MAGEC3: variants seen among roughly 807,000 people sequenced by gnomAD.
MAGEC3 encodes MAGE family member C3.
Under a neutral mutation model 35.3 loss-of-function variants are expected in MAGEC3, and 34 were observed. The observed-to-expected ratio is 0.96, with a 90% CI of 0.73 to 1.28. The LOEUF (loss-of-function observed/expected upper bound fraction) is 1.28, where lower values mean the gene tolerates loss of function less well. Among genes scored for constraint, MAGEC3 ranks in the 50% most tolerant of loss-of-function variants. The pLI, the probability that MAGEC3 is intolerant of heterozygous loss-of-function variation, is 0.00. For missense variants in MAGEC3, 561 were observed against 483.6 expected (o/e 1.16, Z -1.50); for synonymous variants, 202 against 185.6 (o/e 1.09, Z -0.72).
intron 1 of MAGEC3, among the ~76,000 whole-genome samples, chrX:141,841,740 G>A (rs972131031): frequency 2.7e-5 from 3 of 111,579 alleles, no homozygotes; most frequent in Admixed American, 9.5e-5. Context: ...AATGATGACC[G>A]TTTGCTTCTA....
At chrX:141,884,562 A>G (rs890606385) in intron 4 of MAGEC3, among the ~76,000 whole-genome samples, 1 of 111,617 alleles carries the variant, frequency 9.0e-6, no homozygotes, top group African/African-American at 3.3e-5. Context: ...CTAGAGAAAC[A>G]GAATATTAAG....
intron 1 of MAGEC3, among the ~76,000 whole-genome samples, chrX:141,852,621 G>T (rs2017758105): frequency 9.0e-6 from 1 of 110,534 alleles, no homozygotes; most frequent in African/African-American, 3.3e-5. Context: ...TTCCTAGTTT[G>T]TTGAGTTGTT....
chrX:141,887,504 G>A (rs1602629218), intron 4 of MAGEC3, among the ~76,000 whole-genome samples: 1 of 112,208 alleles, frequency 8.9e-6, no homozygotes, highest in East Asian at 2.8e-4. Flanking sequence ...TCCTTATAAG[G>A]TGAAGGATAA....
chrX:141,845,764 G>C (rs948438020), intron 1 of MAGEC3, among the ~76,000 whole-genome samples: 1 of 110,671 alleles, frequency 9.0e-6, no homozygotes, highest in Non-Finnish European at 1.9e-5. Context: ...TCTTATAGGG[G>C]AGAAAAAGCT....
intron 4 of MAGEC3, among the ~76,000 whole-genome samples, chrX:141,885,141 G>A (rs768885836): frequency 3.6e-5 from 4 of 111,733 alleles, no homozygotes; most frequent in South Asian, 3.8e-4. Context: ...CCTGGCGGGC[G>A]CCTAGAGGTG....
In MAGEC3 at chrX:141,880,078, C is replaced by T. The variant is rs148308528; in HGVS notation, c.515+647C>T. Among the ~76,000 whole-genome samples, 705 of 111,550 alleles carry T rather than the reference C, an allele frequency of 6.3e-3. 7 individuals are homozygous for T. The highest frequency in any genetic ancestry group is 0.021 in the African/African-American group (632 of 30,666). On this transcript the variant is annotated intron_variant, in intron 3 of 7. Coordinates refer to ENST00000298296, the MANE Select transcript of MAGEC3 (RefSeq NM_138702.1). ...CCCTCTCATTGCTGGGTGAGAGGTGCAGGGAAAGGGAAGGCCTTGGTCTGA... is the reference window on the plus strand; with the variant it reads ...CCCTCTCATTGCTGGGTGAGAGGTGTAGGGAAAGGGAAGGCCTTGGTCTGA...
chrX:141,866,197 G>C (rs1483980950), intron 2 of MAGEC3, among the ~76,000 whole-genome samples: 1 of 111,916 alleles, frequency 8.9e-6, no homozygotes, highest in African/African-American at 3.2e-5. Context: ...TCATGATTTA[G>C]TTTCAGGTAT....
chrX:141,872,619 C>T lies in MAGEC3; in HGVS notation c.259-6556C>T, dbSNP rs746742471. Among the ~76,000 whole-genome samples the T allele has an allele frequency of 6.0e-4, 67 of 110,804 alleles. No homozygotes were observed. In the South Asian group the frequency reaches 6.7e-3, roughly 11 times the overall value. ...TTTACCAGCCGGCTGAATTAGTGTC[C>T]GATGTTGGATGTTCCAGTTGGAATT... On this transcript the variant is annotated intron_variant, in intron 2 of 7. Coordinates refer to ENST00000298296, the MANE Select transcript of MAGEC3 (RefSeq NM_138702.1).
chrX:141,863,516 G>A (rs997416123), intron 1 of MAGEC3, among the ~76,000 whole-genome samples: 2 of 111,870 alleles, frequency 1.8e-5, no homozygotes, highest in Non-Finnish European at 3.8e-5. Flanking sequence ...ATTGCAGTAC[G>A]TGTACCACAT....
intron 2 of MAGEC3, among the ~76,000 whole-genome samples, 179 bp from the exon 3 acceptor site, chrX:141,878,996 C>T (rs1195788512): frequency 6.2e-5 from 7 of 112,362 alleles, no homozygotes; most frequent in African/African-American, 2.3e-4. Context: ...GATTCTCCCT[C>T]TCTTGCACCT....
intron 1 of MAGEC3, 51 bp from the exon 2 acceptor site, chrX:141,865,413 CCATCACA>C: frequency 9.1e-7 from 1 of 1,102,711 alleles, no homozygotes; most frequent in Non-Finnish European, 1.2e-6. Context: ...AGTAGATCTT[CCATCACA>C]GGTAGAGGTT....
chrX:141,844,930 AT>A (rs772371095), intron 1 of MAGEC3, among the ~76,000 whole-genome samples: 4,555 of 109,245 alleles, frequency 0.042, 146 homozygotes, highest in African/African-American at 0.12. Context: ...GTAATTGGTA[AT>A]TTTTTTTTAA....
chrX:141,861,343 A>G (rs184687816), intron 1 of MAGEC3, among the ~76,000 whole-genome samples: 7 of 111,687 alleles, frequency 6.3e-5, no homozygotes, highest in African/African-American at 2.3e-4. Context: ...TAATATAATT[A>G]AAATAACCAT....
intron 4 of MAGEC3, among the ~76,000 whole-genome samples, chrX:141,889,425 G>T (rs1244487777): frequency 2.7e-5 from 3 of 111,559 alleles, no homozygotes; most frequent in Non-Finnish European, 5.6e-5. Context: ...TATTTCCAGA[G>T]GGAGAAACGC....
rs764720860 is a variant in MAGEC3 at position 141,857,200 on chromosome X, C to A, written c.124-8271C>A. 6.1e-3 allele frequency among the ~76,000 whole-genome samples: 667 copies of A among 108,850 alleles called. 8 individuals are homozygous for A. Among genetic ancestry groups the A allele is most frequent in the African/African-American group, 0.021 (627 of 30,019 alleles). The allele number at this position is 108,850 out of a possible 115,157, so 94.5% of individuals were successfully genotyped here. ...AGAATGTAATTGTGAAAAAAAAAAA[C>A]AGGCTTTCAGAACTTGGCATTGATA... is the stretch of plus-strand genomic sequence containing the variant. On this transcript the variant is annotated intron_variant, in intron 1 of 7. Transcript: ENST00000298296.
intron 1 of MAGEC3, among the ~76,000 whole-genome samples, chrX:141,860,541 A>G (rs11095908): frequency 0.022 from 2,438 of 111,926 alleles, 69 homozygotes; most frequent in African/African-American, 0.075. Context: ...AAATGTGGAA[A>G]CAACCCAAAT....
Position 141,868,080 on chromosome X carries a change from G to A in MAGEC3, c.258+2475G>A, listed in dbSNP as rs199997073. Among the ~76,000 whole-genome samples the A allele has an allele frequency of 1.8e-4, 20 of 109,240 alleles. No homozygotes were observed. In the South Asian group the frequency reaches 2.8e-3, roughly 15 times the overall value. The allele number at this position is 109,240 out of a possible 115,157, so 94.9% of individuals were successfully genotyped here. On this transcript the variant is annotated intron_variant, in intron 2 of 7. Transcript: ENST00000298296. Reference sequence around the variant, plus strand: ...GGAGCTTGCAGTGAGCCGAGATGGCGCCAGTGCACTCCAGCCTGGGCGACA... The same window carrying A: ...GGAGCTTGCAGTGAGCCGAGATGGCACCAGTGCACTCCAGCCTGGGCGACA...
intron 4 of MAGEC3, among the ~76,000 whole-genome samples, chrX:141,885,663 C>CAAAAAAA (rs35973319): frequency 2.4e-5 from 1 of 40,996 alleles, no homozygotes. Flanking sequence ...GACTTCGTCT[C>CAAAAAAA]AAAAAAAAAA....
Position 141,844,469 on chromosome X carries a change from A to G in MAGEC3, c.123+6031A>G, listed in dbSNP as rs147365869. On this transcript the variant is annotated intron_variant, in intron 1 of 7. Coordinates refer to ENST00000298296, the MANE Select transcript of MAGEC3 (RefSeq NM_138702.1). ...TCTGCTGTTTCACTGTTATGTGTTT[A>G]GGTGTGCATTTGTTTTCATTTATTT... is the stretch of plus-strand genomic sequence containing the variant. 3.9e-3 allele frequency among the ~76,000 whole-genome samples: 430 copies of G among 110,670 alleles called. 2 individuals carry two copies. The highest frequency in any genetic ancestry group is 6.4e-3 in the Non-Finnish European group (334 of 52,593).
Sources: gnomAD v4.1 joint callset for allele counts (sites outside exome capture counted in the v4.1 genomes callset) on GRCh38, gnomAD v4.1.1 for gene constraint, MANE v1.5 for transcripts, NCBI Gene and HGNC (gene_info 2026-07-23, HGNC 2026-07-21) for gene names.